The following ANO9 variants were observed in gnomAD, a reference collection of about 807,000 sequenced individuals.
ANO9 encodes the protein anoctamin 9.
Under a neutral mutation model 100.5 loss-of-function variants are expected in ANO9, and 80 were observed. That is an observed-to-expected ratio of 0.80 (90% CI 0.66 to 0.96). The LOEUF (loss-of-function observed/expected upper bound fraction) is 0.96. ANO9 is among the 40% of genes least tolerant of loss of function. The pLI is 0.00. For synonymous variants in ANO9, 473 were observed against 435.6 expected (o/e 1.09, Z -1.07); for missense variants, 1,064 against 1,072.7 (o/e 0.99, Z 0.11).
rs777107707 is a variant in ANO9, at chr11:418,702, C to T, written c.2130+18G>A. ...ACTGCCCAGACCCACTCCGAGGCCT[C>T]TCCCGGTTCTGGCTCACCTCAAAGA... On this transcript the variant is annotated intron_variant, in intron 22 of 22. Transcript: ENST00000332826. 3.1e-6 allele frequency: 5 copies of T among 1,612,764 alleles called. No homozygotes were observed. Among genetic ancestry groups the T allele is most frequent in the Non-Finnish European group, 4.2e-6 (5 of 1,179,912 alleles).
rs1847959685 is a variant in ANO9 at position 418,233 on chromosome 11, A to G, written c.*138T>C. ...ATAGGGTGGCAGCTCACAGCCCTGA[A>G]CATACAGGGGATTCCTGCGGCCCCA... On this transcript the variant is annotated 3_prime_UTR_variant, in exon 23 of 23. Transcript: ENST00000332826. 2 of 870,848 alleles carry G rather than the reference A, an allele frequency of 2.3e-6. No individual in the cohort carries two copies. Among genetic ancestry groups the G allele is most frequent in the Non-Finnish European group, 3.4e-6 (2 of 582,370 alleles). The allele number at this position is 870,848 out of a possible 1,614,324, so 53.9% of individuals were successfully genotyped here. A position where few individuals can be genotyped will look rare whatever the true frequency, so the allele number is the denominator to read the frequency against.
In ANO9 at chr11:420,974, C is replaced by G. The variant is rs535194131; in HGVS notation, c.1461G>C (p.Thr487=). ...QMAIIMGLKQ[T]LSNCVEYLVP... is the part of the protein sequence containing the mutation. ...CCAGGTACTCGACGCAGTTGCTGAGCGTCTGCTTCAGGCCCATGATGATGG... is the reference window on the plus strand; with the variant it reads ...CCAGGTACTCGACGCAGTTGCTGAGGGTCTGCTTCAGGCCCATGATGATGG... The change falls in exon 17 of 23, where the codon ACG becomes ACC. Residue 487 remains threonine, a synonymous_variant. Coordinates refer to ENST00000332826, the MANE Select transcript of ANO9 (RefSeq NM_001012302.3). 3 of 1,606,584 alleles carry G rather than the reference C, an allele frequency of 1.9e-6. No homozygotes were observed. The African/African-American group carries it at 4.0e-5, about 21-fold the overall frequency.
At chr11:434,722 G>A (rs953486484) in intron 1 of ANO9, among the ~76,000 whole-genome samples, 8 of 152,274 alleles carry the variant, frequency 5.3e-5, no homozygotes, top group Admixed American at 2.0e-4. Flanking sequence ...GTGAGTGCCC[G>A]CAGGCACAGT....
chr11:438,963 C>A (rs1286538253), intron 1 of ANO9, among the ~76,000 whole-genome samples: 5 of 152,204 alleles, frequency 3.3e-5, no homozygotes, highest in South Asian at 2.1e-4. Flanking sequence ...CTTCAGCCAG[C>A]CTTGCCATCT....
intron 1 of ANO9, among the ~76,000 whole-genome samples, chr11:441,602 G>A (rs1443730099): frequency 5.3e-5 from 8 of 152,090 alleles, no homozygotes; most frequent in South Asian, 4.2e-4. Flanking sequence ...TCTCCATCTC[G>A]TGTTCAGGAC....
At chr11:439,684 G>T (rs2133723658) in intron 1 of ANO9, among the ~76,000 whole-genome samples, 1 of 149,930 alleles carries the variant, frequency 6.7e-6, no homozygotes, top group South Asian at 2.1e-4. Context: ...CATCCACAGA[G>T]GGTCCCCTTC....
At position 421,496 on chromosome 11, in the gene ANO9, AC is replaced by A. The variant is rs1235715261; in HGVS notation, c.1335-299del. Among the ~76,000 whole-genome samples, 49 of 7,900 alleles carry A rather than the reference AC, an allele frequency of 6.2e-3. 9 individuals carry two copies. The East Asian group carries it at 0.066, about 11-fold the overall frequency. The allele number at this position is 7,900 out of a possible 152,430, so 5.2% of individuals were successfully genotyped here. ...GGCCACAGGCTCCCAGACGAACCGCACCTGCACGTGGGCGCACACACACCCA... is the reference window on the plus strand; with the variant it reads ...GGCCACAGGCTCCCAGACGAACCGCACTGCACGTGGGCGCACACACACCCA... On this transcript the variant is annotated intron_variant, in intron 15 of 22. Coordinates refer to ENST00000332826, the MANE Select transcript of ANO9 (RefSeq NM_001012302.3). The surrounding 1 kb of genome is among the most constrained non-coding windows in gnomAD (Gnocchi z 6.8).
intron 1 of ANO9, among the ~76,000 whole-genome samples, chr11:436,063 C>CTTTTTTTTTTTTTTTTTTTTTTTTTTCT (rs10707508): frequency 1.0e-5 from 1 of 99,282 alleles, no homozygotes; most frequent in Non-Finnish European, 1.9e-5. Context: ...CTTTTCTTTC[C>CTTTTTTTTTTTTTTTTTTTTTTTTTTCT]TTTTTTTTTT....
intron 15 of ANO9, among the ~76,000 whole-genome samples, chr11:426,441 C>T (rs1848525834): frequency 6.6e-6 from 1 of 152,022 alleles, no homozygotes; most frequent in Non-Finnish European, 1.5e-5. Context: ...GGCATGGTGG[C>T]ACATGCCTGT....
Position 421,212 on chromosome 11 carries a change from G to A in ANO9, c.1335-14C>T, listed in dbSNP as rs1023366996. On this transcript the variant is annotated splice_polypyrimidine_tract_variant and intron_variant, in intron 15 of 22. Transcript: ENST00000332826. This position sits in a 1 kb window ranked among gnomAD's most constrained non-coding sequence, Gnocchi z 6.8. ...TGGCCGTTGATCCTGGGGAGGAAGG[G>A]GAAGTCTGGGGCACTGCGGGCAGCG... The A allele has an allele frequency of 6.5e-7, 1 of 1,529,570 alleles. No individual in the cohort carries two copies. The highest frequency in any genetic ancestry group is 2.3e-5 in the East Asian group (1 of 43,198). 94.7% of individuals were successfully genotyped at this position (1,529,570 alleles called of 1,614,324 possible).
At position 432,076 on chromosome 11, in the gene ANO9, GC is replaced by G; in HGVS notation, c.351-23del. ...GAGACTCAAGAGCCAGAGCAGGGTG[GC>G]CCCGTGTGACCACAGTGGACCCTGC... On this transcript the variant is annotated intron_variant, in intron 4 of 22. Coordinates refer to ENST00000332826, the MANE Select transcript of ANO9 (RefSeq NM_001012302.3). This position sits in a 1 kb window ranked among gnomAD's most constrained non-coding sequence, Gnocchi z 4.8. 6.2e-7 allele frequency: 1 copy of G among 1,612,180 alleles called. No individual in the cohort carries two copies.
chr11:439,021 C>T (rs1272757748), intron 1 of ANO9, among the ~76,000 whole-genome samples: 1 of 152,144 alleles, frequency 6.6e-6, no homozygotes, highest in Non-Finnish European at 1.5e-5. Context: ...CCGGCCAGGC[C>T]CTAGCTCTGA....
At chr11:420,313 G>A (rs1213024083) in intron 19 of ANO9, 150 bp downstream of exon 19, 8 of 1,451,034 alleles carry the variant, frequency 5.5e-6, no homozygotes, top group Admixed American at 2.4e-5. Context: ...GGCTCAACCC[G>A]CATCCGAGGC....
chr11:431,260 G>T (rs1848949933), intron 7 of ANO9, among the ~76,000 whole-genome samples: 2 of 97,672 alleles, frequency 2.0e-5, no homozygotes, highest in Non-Finnish European at 2.0e-5. Context: ...GGGGGCTCCC[G>T]TGGGTATCTG....
At chr11:429,697 G>C (rs1372021960) in intron 10 of ANO9, 45 bp from the exon 11 acceptor site, 1 of 1,612,308 alleles carries the variant, frequency 6.2e-7, no homozygotes, top group Non-Finnish European at 8.5e-7. Context: ...ACGCCAGGTG[G>C]ACCTCGGAGC....
chr11:431,882 T>A lies in ANO9; in HGVS notation c.431A>T (p.Asp144Val). 1.2e-6 allele frequency: 2 copies of A among 1,610,444 alleles called. No homozygotes were observed. The highest frequency in any genetic ancestry group is 1.7e-6 in the Non-Finnish European group (2 of 1,178,112). The change falls in exon 6 of 23, where the codon GAC (aspartate) becomes GTC (valine). Residue 144 changes from aspartate (D) to valine (V), a missense_variant. Coordinates refer to ENST00000332826, the MANE Select transcript of ANO9 (RefSeq NM_001012302.3). ...GGGGAACCTGGCCTCAAAGACCCCG[T>A]CCTTCATCAGATCCTCGAAGGTCTC... ...AGETFEDLMKDGVFEARFPLH... is the reference protein window; with the variant it reads ...AGETFEDLMKVGVFEARFPLH...
intron 1 of ANO9, among the ~76,000 whole-genome samples, chr11:435,616 ATAGTC>A (rs1278144662): frequency 4.6e-5 from 3 of 64,862 alleles, no homozygotes; most frequent in East Asian, 1.5e-3. Context: ...ATAGTCTAGT[ATAGTC>A]TAGTCTAGTA....
chr11:424,982 G>A (rs10794320), intron 15 of ANO9, among the ~76,000 whole-genome samples: 1 of 139,228 alleles, frequency 7.2e-6, no homozygotes, highest in Non-Finnish European at 1.6e-5. Flanking sequence ...CGCGCGGGAG[G>A]AAAAGGCGGC....
chr11:418,974 G>A lies in ANO9; in HGVS notation c.1950C>T (p.Tyr650=), dbSNP rs778601535. 21 of 1,610,612 alleles carry A rather than the reference G, an allele frequency of 1.3e-5. No individual in the cohort carries two copies. Among genetic ancestry groups the A allele is most frequent in the South Asian group, 7.7e-5 (7 of 91,060 alleles). ...GGAAGACGGACAGGCTGTGGTTGAC[G>A]TAGCCCTTGAGGCAGCTGGGGAGAG... is the stretch of plus-strand genomic sequence containing the variant. ...GNSTVDCLKG[Y]VNHSLSVFHT... Residue 650 remains tyrosine (Y), a synonymous_variant, in exon 21 of 23, where the codon TAC becomes TAT. Coordinates refer to ENST00000332826, the MANE Select transcript of ANO9 (RefSeq NM_001012302.3).
Sources: gnomAD v4.1 joint callset for allele counts (sites outside exome capture counted in the v4.1 genomes callset) on GRCh38, gnomAD v4.1.1 for gene constraint, Gnocchi (gnomAD v3.1) non-coding constraint, MANE v1.5 for transcripts, NCBI Gene and HGNC (gene_info 2026-07-23, HGNC 2026-07-21) for gene names.